The following WLS variants were observed in gnomAD, a reference collection of about 807,000 sequenced individuals.
WLS encodes protein wntless homolog.
In WLS, 23 loss-of-function variants were observed where a neutral mutation model predicts 62.8. That is an observed-to-expected ratio of 0.37 (90% CI 0.26 to 0.52). The LOEUF (loss-of-function observed/expected upper bound fraction) is 0.52, where lower values mean the gene tolerates loss of function less well. Among genes scored for constraint, WLS ranks in the 20% least tolerant of loss-of-function variants. The pLI, the probability that WLS is intolerant of heterozygous loss-of-function variation, is 0.92. For synonymous variants in WLS, 246 were observed against 244.1 expected, an observed-to-expected ratio of 1.01 and a Z score of -0.07; for missense variants, 615 against 697.3, an observed-to-expected ratio of 0.88 and a Z score of 1.33.
chr1:68,230,988 G>T (rs1487240725), intron 1 of WLS, among the ~76,000 whole-genome samples: 2 of 152,312 alleles, frequency 1.3e-5, no homozygotes, highest in African/African-American at 2.4e-5. Flanking sequence ...GCCCGTAAAG[G>T]CACGCGCGGA....
intron 1 of WLS, among the ~76,000 whole-genome samples, chr1:68,230,570 C>CGTGTGTGTGTGTGTGTGT: frequency 8.4e-6 from 1 of 118,586 alleles, no homozygotes; most frequent in African/African-American, 3.0e-5. Context: ...AAAGCCAACC[C>CGTGTGTGTGTGTGTGTGT]GTGTGTGTGT....
chr1:68,159,279 G>A (rs1257053238), intron 2 of WLS, 32 bp from the exon 3 acceptor site: 1 of 1,601,774 alleles, frequency 6.2e-7, no homozygotes, highest in South Asian at 1.1e-5. Flanking sequence ...TTTCAGAAAT[G>A]ACTTTTGGAA....
rs750487877 is a variant in WLS, at chr1:68,125,462, A to C, written c.*764T>G. 1.0e-6 allele frequency: 1 copy of C among 985,466 alleles called. No individual in the cohort carries two copies. The highest frequency in any genetic ancestry group is 1.2e-6 in the Non-Finnish European group (1 of 829,940). The allele number at this position is 985,466 out of a possible 1,614,324, so 61.0% of individuals were successfully genotyped here. On this transcript the variant is annotated 3_prime_UTR_variant, in exon 12 of 12. Coordinates refer to ENST00000262348, the MANE Select transcript of WLS (RefSeq NM_024911.7). ...TTTTGGAGGCTATTTGAAGTATCTT[A>C]TCAAAATAAAACGCATTTTAAGCAA...
At chr1:68,108,912 G>A (rs1015337015) in intron 11 of WLS, among the ~76,000 whole-genome samples, 7 of 152,266 alleles carry the variant, frequency 4.6e-5, no homozygotes, top group East Asian at 3.9e-4. Context: ...GGAGGGGCCC[G>A]TGTTAGTAGA....
chr1:68,106,891 A>C lies in WLS; in HGVS notation c.1511-8138T>G, dbSNP rs141147048. Among the ~76,000 whole-genome samples, 232 of 152,322 alleles carry C rather than the reference A, an allele frequency of 1.5e-3. 2 individuals are homozygous for C. Among genetic ancestry groups the C allele is most frequent in the African/African-American group, 5.5e-3 (227 of 41,580 alleles). On this transcript the variant is annotated intron_variant, in intron 11 of 11. Transcript: ENST00000354777. ...CATTATAAAACAATGTGCTTTGGAC[A>C]CTGTCAAGAGGAAATTCCCTTAAAA...
intron 2 of WLS, among the ~76,000 whole-genome samples, chr1:68,182,030 C>T (rs531888506): frequency 2.0e-5 from 3 of 152,186 alleles, no homozygotes; most frequent in African/African-American, 7.2e-5. Context: ...TTATTCAACA[C>T]CATAGAAGAG....
intron 1 of WLS, among the ~76,000 whole-genome samples, chr1:68,210,726 C>T (rs910977371): frequency 3.3e-5 from 5 of 152,020 alleles, no homozygotes; most frequent in African/African-American, 1.2e-4. Context: ...GTCCACTGGG[C>T]GGAAAGCCCC....
At chr1:68,113,057 C>T (rs1249256750) in intron 11 of WLS, among the ~76,000 whole-genome samples, 2 of 152,140 alleles carry the variant, frequency 1.3e-5, no homozygotes, top group African/African-American at 4.8e-5. Context: ...ATTCTGGGGA[C>T]GCTGGTCAGC....
rs1178571949 is a variant in WLS at position 68,199,618 on chromosome 1, G to A, written c.107-5391C>T. 3.3e-5 allele frequency among the ~76,000 whole-genome samples: 5 copies of A among 152,140 alleles called. 1 individual carries two copies. Among genetic ancestry groups the A allele is most frequent in the African/African-American group, 1.2e-4 (5 of 41,420 alleles). Reference sequence around the variant, plus strand: ...ACTGTAGTACTACTCTTATCTCTGTGTCCACCCTTGCCTTTTCTAATCAGT... The same window carrying A: ...ACTGTAGTACTACTCTTATCTCTGTATCCACCCTTGCCTTTTCTAATCAGT... On this transcript the variant is annotated intron_variant, in intron 1 of 11. Transcript: ENST00000262348.
chr1:68,219,923 G>A (rs1453506271), intron 1 of WLS, among the ~76,000 whole-genome samples: 1 of 152,066 alleles, frequency 6.6e-6, no homozygotes, highest in African/African-American at 2.4e-5. Context: ...ATTTTATAAT[G>A]TAAAACAGAA....
At chr1:68,113,870 C>T (rs1333740958) in intron 11 of WLS, among the ~76,000 whole-genome samples, 1 of 152,208 alleles carries the variant, frequency 6.6e-6, no homozygotes, top group Non-Finnish European at 1.5e-5. Flanking sequence ...CGATAATGTG[C>T]ATTTGAGAAA....
chr1:68,197,960 T>A (rs1648768388), intron 1 of WLS, among the ~76,000 whole-genome samples: 1 of 152,172 alleles, frequency 6.6e-6, no homozygotes, highest in Non-Finnish European at 1.5e-5. Context: ...TAGGGATTAA[T>A]AGAGTTTGTG....
chr1:68,135,196 A>C (rs997468381), intron 11 of WLS, among the ~76,000 whole-genome samples: 1 of 151,790 alleles, frequency 6.6e-6, no homozygotes, highest in Non-Finnish European at 1.5e-5. Flanking sequence ...GTTAGAGTAC[A>C]GTGGTACAAT....
intron 2 of WLS, among the ~76,000 whole-genome samples, chr1:68,183,161 G>C (rs1439966230): frequency 6.6e-6 from 1 of 152,120 alleles, no homozygotes; most frequent in African/African-American, 2.4e-5. Context: ...CAATGTGCTG[G>C]GATTACAGGT....
Position 68,125,510 on chromosome 1 carries a change from C to A in WLS, c.*716G>T, listed in dbSNP as rs1646416580. Reference sequence around the variant, plus strand: ...CAAGAAGTTAAAAAAGCTTTTCAGACCCGAAGGCCATTTAATACAGTAAAT... The same window carrying A: ...CAAGAAGTTAAAAAAGCTTTTCAGAACCGAAGGCCATTTAATACAGTAAAT... On this transcript the variant is annotated 3_prime_UTR_variant, in exon 12 of 12. Coordinates refer to ENST00000262348, the MANE Select transcript of WLS (RefSeq NM_024911.7). 1 of 985,406 alleles carries A rather than the reference C, an allele frequency of 1.0e-6. No homozygotes were observed. Among genetic ancestry groups the A allele is most frequent in the Non-Finnish European group, 1.2e-6 (1 of 829,924 alleles). The allele number at this position is 985,406 out of a possible 1,614,324, so 61.0% of individuals were successfully genotyped here.
intron 10 of WLS, among the ~76,000 whole-genome samples, chr1:68,143,298 A>G (rs1646710839): frequency 6.6e-6 from 1 of 152,180 alleles, no homozygotes; most frequent in Non-Finnish European, 1.5e-5. Flanking sequence ...ATGACAAAGC[A>G]CTGGCAAAAG....
At chr1:68,115,631 GT>G (rs1388425724) in intron 11 of WLS, among the ~76,000 whole-genome samples, 3 of 152,186 alleles carry the variant, frequency 2.0e-5, no homozygotes, top group Non-Finnish European at 4.4e-5. Context: ...CACATTATCA[GT>G]GCTTTGTAAA....
intron 11 of WLS, among the ~76,000 whole-genome samples, chr1:68,115,996 C>G (rs1646287054): frequency 2.0e-5 from 3 of 152,200 alleles, no homozygotes; most frequent in African/African-American, 7.2e-5. Context: ...GAGCTTCCAG[C>G]TCTCCCCTGC....
At chr1:68,119,121 A>G (rs1018321181) in intron 11 of WLS, among the ~76,000 whole-genome samples, 2 of 152,162 alleles carry the variant, frequency 1.3e-5, no homozygotes, top group Non-Finnish European at 2.9e-5. Context: ...TTTAGAGACT[A>G]TAATAGTAAA....
Sources: allele counts gnomAD v4.1 joint callset (sites outside exome capture counted in the v4.1 genomes callset), GRCh38; gene constraint gnomAD v4.1.1; transcripts MANE v1.5; gene names NCBI Gene and HGNC (gene_info 2026-07-23, HGNC 2026-07-21).